The following NAALADL2 variants were observed in gnomAD, a reference collection of about 807,000 sequenced individuals.
NAALADL2 encodes N-acetylated alpha-linked acidic dipeptidase like 2, also known as inactive N-acetylated-alpha-linked acidic dipeptidase-like protein 2.
In NAALADL2, 76 loss-of-function variants were observed where a neutral mutation model predicts 87.2. The observed-to-expected ratio is 0.87, with a 90% CI of 0.72 to 1.05. The LOEUF (loss-of-function observed/expected upper bound fraction) is 1.05. NAALADL2 is among the 50% of genes least tolerant of loss of function. The probability of loss-of-function intolerance (pLI) is 0.00; values close to 1 mark genes in which losing one functional copy is unlikely to be tolerated. For synonymous variants in NAALADL2, 354 were observed against 331.0 expected, an observed-to-expected ratio of 1.07 and a Z score of -0.75; for missense variants, 1,089 against 945.8, an observed-to-expected ratio of 1.15 and a Z score of -1.99.
intron 3 of NAALADL2, among the ~76,000 whole-genome samples, chr3:175,255,286 T>A (rs190724150): frequency 1.2e-3 from 177 of 152,316 alleles, no homozygotes; most frequent in Middle Eastern, 3.4e-3. Flanking sequence ...GATTTACAGA[T>A]CTCTTGGAGG....
chr3:175,381,469 ATATT>A (rs1349661112), intron 5 of NAALADL2, among the ~76,000 whole-genome samples: 5 of 152,052 alleles, frequency 3.3e-5, no homozygotes, highest in Admixed American at 2.6e-4. Context: ...TCAAAAAATC[ATATT>A]TATTAGTAAT....
At chr3:175,612,420 A>C (rs145380196) in intron 10 of NAALADL2, among the ~76,000 whole-genome samples, 1 of 152,200 alleles carries the variant, frequency 6.6e-6, no homozygotes, top group African/African-American at 2.4e-5. Flanking sequence ...GTTTTCACCC[A>C]GATTATGAAA....
chr3:175,602,454 G>C (rs534199450), intron 10 of NAALADL2, among the ~76,000 whole-genome samples: 3 of 77,238 alleles, frequency 3.9e-5, no homozygotes, highest in Admixed American at 1.5e-4. Flanking sequence ...TTGTATGTGT[G>C]TATCTATATA....
intron 5 of NAALADL2, 35 bp from the exon 6 acceptor site, chr3:175,447,194 A>C: frequency 6.9e-7 from 1 of 1,448,182 alleles, no homozygotes; most frequent in Non-Finnish European, 9.3e-7. Flanking sequence ...ATTTCTGTTT[A>C]CTAAGGATTA....
intron 2 of NAALADL2, among the ~76,000 whole-genome samples, chr3:174,603,896 C>A (rs1025379267): frequency 3.3e-5 from 5 of 151,932 alleles, no homozygotes; most frequent in African/African-American, 1.2e-4. Context: ...TTATTCATTT[C>A]TACTTTTATT....
intron 1 of NAALADL2, among the ~76,000 whole-genome samples, chr3:175,070,979 A>G (rs1048386187): frequency 1.3e-5 from 2 of 152,070 alleles, no homozygotes; most frequent in African/African-American, 4.8e-5. Context: ...AATAGATGTC[A>G]TTCAAGATGT....
At chr3:175,388,639 C>T (rs1768707907) in intron 5 of NAALADL2, among the ~76,000 whole-genome samples, 1 of 151,992 alleles carries the variant, frequency 6.6e-6, no homozygotes, top group African/African-American at 2.4e-5. Context: ...CTCCCCCATC[C>T]CCAACAGTGA....
chr3:175,339,905 T>C (rs1469198652), intron 5 of NAALADL2, among the ~76,000 whole-genome samples: 25 of 152,162 alleles, frequency 1.6e-4, no homozygotes, highest in Non-Finnish European at 3.2e-4. Flanking sequence ...CACACTGAGA[T>C]GATATTTCAG....
intron 4 of NAALADL2, among the ~76,000 whole-genome samples, chr3:175,314,539 T>A (rs1758787791): frequency 7.6e-6 from 1 of 131,636 alleles, no homozygotes. Context: ...AGCAAGCTGA[T>A]TAATACTTAC....
chr3:174,788,685 T>C (rs1717103760), intron 3 of NAALADL2, among the ~76,000 whole-genome samples: 1 of 152,018 alleles, frequency 6.6e-6, no homozygotes, highest in South Asian at 2.1e-4. Context: ...AAATACAAAT[T>C]TTGAGGTAAT....
At chr3:175,055,526 A>G (rs1262759859) in intron 1 of NAALADL2, among the ~76,000 whole-genome samples, 2 of 152,172 alleles carry the variant, frequency 1.3e-5, no homozygotes, top group Non-Finnish European at 2.9e-5. Flanking sequence ...GGGGGCAGAC[A>G]TTGTACAGGG....
rs75773630 is a variant in NAALADL2, at chr3:175,373,351, T to A, written c.1090+49026T>A. Among the ~76,000 whole-genome samples, 11 of 152,326 alleles carry A rather than the reference T, an allele frequency of 7.2e-5. No individual in the cohort carries two copies. The East Asian group carries it at 2.1e-3, about 29-fold the overall frequency. On this transcript the variant is annotated intron_variant, in intron 5 of 13. Coordinates refer to ENST00000454872, the MANE Select transcript of NAALADL2 (RefSeq NM_207015.3). ...CCACCTAATCTAGTCTAACCGCTGA[T>A]CTAATTTGCATTAATAAAGATTTAT...
chr3:174,891,849 C>T (rs1730900877), intron 1 of NAALADL2, among the ~76,000 whole-genome samples: 2 of 152,080 alleles, frequency 1.3e-5, no homozygotes, highest in South Asian at 4.1e-4. Flanking sequence ...GGCATTAACC[C>T]TTCCCTAACC....
intron 9 of NAALADL2, among the ~76,000 whole-genome samples, chr3:175,491,138 T>TC (rs1477180549): frequency 6.9e-6 from 1 of 144,444 alleles, no homozygotes; most frequent in Non-Finnish European, 1.5e-5. Context: ...AACATTTCTT[T>TC]CTTTTTTTTT....
chr3:175,565,942 A>C (rs1582426091), intron 9 of NAALADL2, among the ~76,000 whole-genome samples: 1 of 144,796 alleles, frequency 6.9e-6, no homozygotes, highest in East Asian at 2.1e-4. Flanking sequence ...CGATTCTCCT[A>C]TCTCAGCCTC....
chr3:175,194,989 T>A (rs934631151), intron 2 of NAALADL2, among the ~76,000 whole-genome samples: 2 of 151,648 alleles, frequency 1.3e-5, no homozygotes, highest in African/African-American at 4.8e-5. Context: ...ATTCCCTTAA[T>A]TATTGAGCTA....
At chr3:175,089,284 A>T (rs1443888656) in intron 1 of NAALADL2, among the ~76,000 whole-genome samples, 2 of 152,158 alleles carry the variant, frequency 1.3e-5, no homozygotes, top group Admixed American at 6.6e-5. Context: ...GCTTAGTGTC[A>T]CTTTGGTACC....
At chr3:175,255,619 A>T (rs1161985125) in intron 3 of NAALADL2, among the ~76,000 whole-genome samples, 1 of 152,232 alleles carries the variant, frequency 6.6e-6, no homozygotes, top group Non-Finnish European at 1.5e-5. Flanking sequence ...CTTGGCCCAT[A>T]GGAATATATG....
chr3:174,472,240 T>C (rs1716951360), intron 1 of NAALADL2, among the ~76,000 whole-genome samples: 1 of 152,226 alleles, frequency 6.6e-6, no homozygotes, highest in Non-Finnish European at 1.5e-5. Context: ...CTTAGCTATG[T>C]TTACTATACC....
Sources: gnomAD v4.1 joint callset for allele counts (sites outside exome capture counted in the v4.1 genomes callset) on GRCh38, gnomAD v4.1.1 for gene constraint, MANE v1.5 for transcripts, NCBI Gene and HGNC (gene_info 2026-07-23, HGNC 2026-07-21) for gene names.